The following MEI1 variants were observed in gnomAD, a reference collection of about 807,000 sequenced individuals.
MEI1 encodes meiosis inhibitor protein 1.
A neutral mutation model predicts 146.2 loss-of-function variants in MEI1; 103 were observed. The ratio of observed to expected loss-of-function variants is 0.70; its 90% CI spans 0.60 to 0.83. The LOEUF is 0.83. Among genes scored for constraint, MEI1 ranks in the 40% least tolerant of loss-of-function variants. The probability of loss-of-function intolerance (pLI) is 0.00; values close to 1 mark genes in which losing one functional copy is unlikely to be tolerated. For missense variants in MEI1, 1,529 were observed against 1,533.0 expected (o/e 1.00, Z 0.04); for synonymous variants, 652 against 628.2 (o/e 1.04, Z -0.57).
chr22:41,786,132 G>C (rs12053800), intron 26 of MEI1, among the ~76,000 whole-genome samples: 1 of 150,840 alleles, frequency 6.6e-6, no homozygotes, highest in Non-Finnish European at 1.5e-5. Context: ...GGATGGTCTC[G>C]ATCTCCTGAC....
intron 11 of MEI1, among the ~76,000 whole-genome samples, chr22:41,737,125 A>C (rs1266148606): frequency 6.6e-6 from 1 of 152,116 alleles, no homozygotes; most frequent in East Asian, 1.9e-4. Flanking sequence ...TATTCCCTTA[A>C]ATCATTGTGT....
chr22:41,752,796 A>G, intron 16 of MEI1, 145 bp downstream of exon 16: 1 of 740,702 alleles, frequency 1.4e-6, no homozygotes, highest in Non-Finnish European at 2.4e-6. Flanking sequence ...CATCTGGTGC[A>G]ATAAGCTGGT....
At chr22:41,797,228 A>G (rs2076393441) in intron 30 of MEI1, among the ~76,000 whole-genome samples, 1 of 152,030 alleles carries the variant, frequency 6.6e-6, no homozygotes, top group East Asian at 2.0e-4. Flanking sequence ...AGCTCAGGTG[A>G]TCTGCCTGCC....
intron 24 of MEI1, among the ~76,000 whole-genome samples, chr22:41,783,195 T>C (rs1018100698): frequency 2.0e-5 from 3 of 152,176 alleles, no homozygotes; most frequent in African/African-American, 7.2e-5. Context: ...GACTTCATTT[T>C]TAGGACAGTT....
At chr22:41,703,189 C>T in intron 1 of MEI1, 142 bp from the exon 2 acceptor site, 1 of 853,348 alleles carries the variant, frequency 1.2e-6, no homozygotes, top group South Asian at 1.7e-5. Flanking sequence ...CTTTTCCAAC[C>T]TCCCTTGAAG....
rs1202962133 is a variant in MEI1, at chr22:41,780,579, TTC to T, written c.2816-703_2816-702del. Among the ~76,000 whole-genome samples, 50 of 148,354 alleles carry T rather than the reference TTC, an allele frequency of 3.4e-4. 2 individuals are homozygous for T. The highest frequency in any genetic ancestry group is 1.1e-3 in the African/African-American group (45 of 39,738). On this transcript the variant is annotated intron_variant, in intron 22 of 30. Coordinates refer to ENST00000401548, the MANE Select transcript of MEI1 (RefSeq NM_152513.4). ...GAACTTTGAGCTGAATTTTTTTCTTTTCTTTTTTTTTTTTTTTTTGAGACAGG... is the reference window on the plus strand; with the variant it reads ...GAACTTTGAGCTGAATTTTTTTCTTTTTTTTTTTTTTTTTTTTGAGACAGG...
At chr22:41,712,386 C>T (rs996789600) in intron 3 of MEI1, among the ~76,000 whole-genome samples, 1 of 151,196 alleles carries the variant, frequency 6.6e-6, no homozygotes, top group South Asian at 2.1e-4. Flanking sequence ...AGGCGCCCAC[C>T]ACCACGCCCG....
chr22:41,699,663 G>C lies in MEI1; in HGVS notation c.125G>C (p.Arg42Pro), dbSNP rs374969843. 3 of 1,590,864 alleles carry C rather than the reference G, an allele frequency of 1.9e-6. No individual in the cohort carries two copies. In the African/African-American group the frequency reaches 4.0e-5, roughly 21 times the overall value. ...CGCTGGCTGCTGCCCGTGACCCCCC[G>C]CCTGTGCCTGGCCTGCGCGCTGGAG... is the stretch of plus-strand genomic sequence containing the variant. ...DPRWLLPVTP[R>P]LCLACALELL... Residue 42 changes from arginine (R) to proline (P), a missense_variant, in exon 1 of 31, where the codon CGC becomes CCC. Physicochemically the swap from Arg to Pro is moderately radical, Grantham distance 103 (BLOSUM62 -2). This residue lies in a region of MEI1 where 1,212 missense variants were observed against 1,178.9 expected (regional missense o/e 1.03). Coordinates refer to ENST00000401548, the MANE Select transcript of MEI1 (RefSeq NM_152513.4).
At chr22:41,729,519 C>T (rs2147543331) in intron 7 of MEI1, 146 bp from the exon 8 acceptor site, 2 of 663,832 alleles carry the variant, frequency 3.0e-6, no homozygotes, top group Admixed American at 2.6e-5. Context: ...CATAACTGCT[C>T]TCCTGACCAC....
intron 11 of MEI1, among the ~76,000 whole-genome samples, chr22:41,735,287 A>G (rs1050603439): frequency 1.4e-5 from 2 of 141,854 alleles, no homozygotes; most frequent in Non-Finnish European, 3.0e-5. Flanking sequence ...GCTGGAGTGC[A>G]AAGGCATGAT....
chr22:41,791,341 A>G (rs995854530), intron 26 of MEI1, among the ~76,000 whole-genome samples: 1 of 152,190 alleles, frequency 6.6e-6, no homozygotes, highest in Non-Finnish European at 1.5e-5. Flanking sequence ...ACAAAAAATT[A>G]GCTGGACGTG....
chr22:41,720,058 C>T (rs1168460756), intron 6 of MEI1, among the ~76,000 whole-genome samples: 1 of 152,104 alleles, frequency 6.6e-6, no homozygotes, highest in Non-Finnish European at 1.5e-5. Flanking sequence ...TAGGGGAGCT[C>T]ACAGGCCAGT....
chr22:41,711,556 G>A (rs1245099014), intron 3 of MEI1, among the ~76,000 whole-genome samples: 1 of 152,232 alleles, frequency 6.6e-6, no homozygotes, highest in Non-Finnish European at 1.5e-5. Context: ...TCACCTAGGT[G>A]GAAAGCACTA....
Position 41,771,096 on chromosome 22 carries a change from T to G in MEI1, c.2544+135T>G, listed in dbSNP as rs1191906207. ...GACTTATCACTGTCTGCATGTGAGT[T>G]GGAGGGGTGGTGGTCTCTTCTACTT... On this transcript the variant is annotated intron_variant, in intron 20 of 30. Transcript: ENST00000401548. 4 of 969,378 alleles carry G rather than the reference T, an allele frequency of 4.1e-6. No individual in the cohort carries two copies. In the African/African-American group the frequency reaches 6.5e-5, roughly 16 times the overall value. 60.0% of individuals were successfully genotyped at this position (969,378 alleles called of 1,614,324 possible).
intron 17 of MEI1, among the ~76,000 whole-genome samples, chr22:41,756,941 T>A (rs1402397958): frequency 6.6e-6 from 1 of 152,266 alleles, no homozygotes; most frequent in Non-Finnish European, 1.5e-5. Flanking sequence ...TTCCCCAGCT[T>A]CTGACACCCC....
intron 17 of MEI1, among the ~76,000 whole-genome samples, chr22:41,755,942 T>A (rs1344747803): frequency 6.6e-6 from 1 of 151,970 alleles, no homozygotes; most frequent in Non-Finnish European, 1.5e-5. Flanking sequence ...TCAACTGAGG[T>A]CCTGTCTTTC....
chr22:41,745,160 C>G (rs1340416174), intron 13 of MEI1, 96 bp downstream of exon 13: 4 of 871,672 alleles, frequency 4.6e-6, no homozygotes, highest in Non-Finnish European at 5.0e-6. Context: ...CACTTGATTT[C>G]TGATACTCTG....
At chr22:41,799,132 C>G in intron 30 of MEI1, 122 bp from the exon 31 acceptor site, 1 of 841,806 alleles carries the variant, frequency 1.2e-6, no homozygotes, top group Non-Finnish European at 1.9e-6. Context: ...ATCCATCCCA[C>G]TATTCTCAGG....
chr22:41,717,999 A>T, intron 5 of MEI1, 72 bp from the exon 6 acceptor site: 5 of 1,223,550 alleles, frequency 4.1e-6, no homozygotes, highest in Non-Finnish European at 5.8e-6. Context: ...CGTTAGGAAT[A>T]ATAGATTGGA....
Sources: gnomAD v4.1 joint callset for allele counts (sites outside exome capture counted in the v4.1 genomes callset) on GRCh38, gnomAD v4.1.1 for gene constraint, gnomAD v4.1.1 regional missense constraint, MANE v1.5 for transcripts, NCBI Gene and HGNC (gene_info 2026-07-23, HGNC 2026-07-21) for gene names.